Variants in UBE2E2 observed in about 807,000 individuals in gnomAD.
The protein encoded by UBE2E2 is ubiquitin-conjugating enzyme E2 E2.
A neutral mutation model predicts 24.7 loss-of-function variants in UBE2E2; 6 were observed. That is an observed-to-expected ratio of 0.24 (90% CI 0.13 to 0.48). The LOEUF (loss-of-function observed/expected upper bound fraction) is 0.48, where lower values mean the gene tolerates loss of function less well. Among genes scored for constraint, UBE2E2 ranks in the 20% least tolerant of loss-of-function variants. The probability of loss-of-function intolerance (pLI) is 0.99; values close to 1 mark genes in which losing one functional copy is unlikely to be tolerated. For synonymous variants in UBE2E2, 104 were observed against 83.6 expected (o/e 1.24, Z -1.33); for missense variants, 169 against 245.0 (o/e 0.69, Z 2.07).
chr3:23,575,192 A>T (rs1696321322), intron 5 of UBE2E2, among the ~76,000 whole-genome samples: 1 of 152,198 alleles, frequency 6.6e-6, no homozygotes, highest in Non-Finnish European at 1.5e-5. Flanking sequence ...GTCTTTGGCT[A>T]AAAGAGATTT....
Position 23,407,144 on chromosome 3 carries a change from T to A in UBE2E2, c.228-92464T>A, listed in dbSNP as rs1221248108. ...CAAAGATGTCATCAAGAAGGTATAG[T>A]CTCCCTTTTTCTCTTGAGAACCCTG... On this transcript the variant is annotated intron_variant, in intron 3 of 5. Coordinates refer to ENST00000396703, the MANE Select transcript of UBE2E2 (RefSeq NM_152653.4). This position sits in a 1 kb window ranked among gnomAD's most constrained non-coding sequence, Gnocchi z 4.0. Among the ~76,000 whole-genome samples the A allele has an allele frequency of 6.6e-6, 1 of 152,046 alleles. No individual in the cohort carries two copies. The highest frequency in any genetic ancestry group is 1.5e-5 in the Non-Finnish European group (1 of 68,002).
At chr3:23,354,604 T>G (rs1327667465) in intron 3 of UBE2E2, among the ~76,000 whole-genome samples, 1 of 152,208 alleles carries the variant, frequency 6.6e-6, no homozygotes, top group African/African-American at 2.4e-5. Context: ...AAGACATTTA[T>G]GCAGCCAAAA....
chr3:23,454,567 A>G (rs1388493244), intron 3 of UBE2E2, among the ~76,000 whole-genome samples: 1 of 152,244 alleles, frequency 6.6e-6, no homozygotes, highest in East Asian at 1.9e-4. Context: ...TTTTGCTTAC[A>G]GTACAAGAAA....
intron 3 of UBE2E2, among the ~76,000 whole-genome samples, chr3:23,431,396 C>A (rs1698057257): frequency 6.6e-6 from 1 of 152,006 alleles, no homozygotes; most frequent in Admixed American, 6.6e-5. Context: ...GCGGGAAAGC[C>A]ACAGAAGTAG....
chr3:23,470,192 A>G (rs1175366459), intron 3 of UBE2E2, among the ~76,000 whole-genome samples: 2 of 152,218 alleles, frequency 1.3e-5, no homozygotes, highest in Admixed American at 1.3e-4. Context: ...CAAAAGAGAT[A>G]CTGTTACTGT....
At chr3:23,471,183 T>C (rs1699027286) in intron 3 of UBE2E2, among the ~76,000 whole-genome samples, 1 of 152,228 alleles carries the variant, frequency 6.6e-6, no homozygotes, top group African/African-American at 2.4e-5. Flanking sequence ...GTTTTTCAAA[T>C]TCTGAACTAG....
chr3:23,511,584 C>T (rs1694595292), intron 4 of UBE2E2, among the ~76,000 whole-genome samples: 1 of 152,164 alleles, frequency 6.6e-6, no homozygotes. Flanking sequence ...AATAAATGAT[C>T]TCACCTAGAG....
At chr3:23,359,524 T>C (rs1696056286) in intron 3 of UBE2E2, among the ~76,000 whole-genome samples, 1 of 152,198 alleles carries the variant, frequency 6.6e-6, no homozygotes, top group Non-Finnish European at 1.5e-5. Context: ...ATAACTGGTG[T>C]CTACAGATTT....
chr3:23,589,352 G>A lies in UBE2E2; in HGVS notation c.509-382G>A, dbSNP rs184471024. Among the ~76,000 whole-genome samples, 978 of 152,010 alleles carry A rather than the reference G, an allele frequency of 6.4e-3. 43 individuals carry two copies. Among genetic ancestry groups the A allele is most frequent in the Admixed American group, 0.06 (913 of 15,272 alleles). ...GGAGGAGGATTGCTTGATCCCAGGA[G>A]GTCAAGGCTACACTGAGCTGTGATC... On this transcript the variant is annotated intron_variant, in intron 5 of 5. Transcript: ENST00000396703. The surrounding 1 kb of genome is among the most constrained non-coding windows in gnomAD (Gnocchi z 4.1).
intron 3 of UBE2E2, among the ~76,000 whole-genome samples, chr3:23,281,519 C>G (rs975635136): frequency 6.6e-5 from 10 of 152,068 alleles, no homozygotes; most frequent in Admixed American, 4.6e-4. Flanking sequence ...TGCCTGTAGT[C>G]CCAACTATTC....
rs75286081 is a variant in UBE2E2 at position 23,469,548 on chromosome 3, C to G, written c.228-30060C>G. On this transcript the variant is annotated intron_variant, in intron 3 of 5. Transcript: ENST00000396703. ...CTGTGTTTTGATGTTTCATTTTGCC[C>G]AGTAAGAACCTCCCTATATTGCATG... Among the ~76,000 whole-genome samples the G allele has an allele frequency of 2.2e-3, 342 of 152,192 alleles. 3 individuals carry two copies. The highest frequency in any genetic ancestry group is 7.9e-3 in the African/African-American group (327 of 41,534).
intron 3 of UBE2E2, among the ~76,000 whole-genome samples, chr3:23,464,364 ATTGGTT>A (rs1698877302): frequency 6.6e-6 from 1 of 152,162 alleles, no homozygotes; most frequent in African/African-American, 2.4e-5. Context: ...AGTAAACTAT[ATTGGTT>A]GCAGTATAGA....
At position 23,458,726 on chromosome 3, in the gene UBE2E2, T is replaced by C. The variant is rs1698738965; in HGVS notation, c.228-40882T>C. On this transcript the variant is annotated intron_variant, in intron 3 of 5. Transcript: ENST00000396703. ...GCCACCGCGCCTGGCCAGAGATCAC[T>C]GTTCACAGATCTCATACTAATGAAA... 2.6e-5 allele frequency among the ~76,000 whole-genome samples: 4 copies of C among 152,272 alleles called. No homozygotes were observed. In the South Asian group the frequency reaches 8.3e-4, roughly 32 times the overall value.
intron 3 of UBE2E2, among the ~76,000 whole-genome samples, chr3:23,385,538 T>A (rs1696787304): frequency 6.6e-6 from 1 of 152,230 alleles, no homozygotes; most frequent in Non-Finnish European, 1.5e-5. Context: ...TCTGTAATCC[T>A]GCCTTGTCTG....
At chr3:23,516,850 A>C (rs2125471097) in intron 4 of UBE2E2, among the ~76,000 whole-genome samples, 1 of 152,258 alleles carries the variant, frequency 6.6e-6, no homozygotes, top group African/African-American at 2.4e-5. Flanking sequence ...CATCCATCTA[A>C]TTGTGGGACC....
At chr3:23,588,313 A>G (rs1696673029) in intron 5 of UBE2E2, among the ~76,000 whole-genome samples, 1 of 152,220 alleles carries the variant, frequency 6.6e-6, no homozygotes, top group South Asian at 2.1e-4. Context: ...AAAGAGTGAA[A>G]TTAGAGAATT....
chr3:23,416,384 G>A (rs142349715), intron 3 of UBE2E2, among the ~76,000 whole-genome samples: 8 of 152,254 alleles, frequency 5.3e-5, no homozygotes, highest in Admixed American at 2.0e-4. Flanking sequence ...TGGCGCTCAC[G>A]CTCCTCTGGC....
intron 3 of UBE2E2, among the ~76,000 whole-genome samples, chr3:23,346,193 A>G (rs755219246): frequency 1.3e-5 from 2 of 152,194 alleles, no homozygotes; most frequent in Admixed American, 1.3e-4. Context: ...TTGAATTTCA[A>G]CAAAAGTTAA....
At chr3:23,515,158 TA>T (rs1342301240) in intron 4 of UBE2E2, among the ~76,000 whole-genome samples, 2 of 151,690 alleles carry the variant, frequency 1.3e-5, no homozygotes, top group African/African-American at 4.8e-5. Flanking sequence ...TGTGTGTACA[TA>T]TATATAGAGA....
Sources: gnomAD v4.1 joint callset for allele counts (sites outside exome capture counted in the v4.1 genomes callset) on GRCh38, gnomAD v4.1.1 for gene constraint, Gnocchi (gnomAD v3.1) non-coding constraint, MANE v1.5 for transcripts, NCBI Gene and HGNC (gene_info 2026-07-23, HGNC 2026-07-21) for gene names.